Variants in RNF150 observed in about 807,000 individuals in gnomAD.
RNF150 encodes the protein ring finger protein 150.
RNF150 carries 24 observed loss-of-function variants against 39.3 expected under a neutral mutation model. The ratio of observed to expected loss-of-function variants is 0.61; its 90% CI spans 0.44 to 0.86. The LOEUF is 0.86. Ranked by LOEUF, RNF150 falls within the 40% of genes least tolerant of loss-of-function variation. The pLI is 0.00. For synonymous variants in RNF150, 255 were observed against 227.3 expected (o/e 1.12, Z -1.10); for missense variants, 502 against 587.8 (o/e 0.85, Z 1.51).
intron 6 of RNF150, among the ~76,000 whole-genome samples, chr4:140,905,288 C>A (rs1367783709): frequency 6.6e-6 from 1 of 152,076 alleles, no homozygotes; most frequent in Non-Finnish European, 1.5e-5. Flanking sequence ...GTAGAGATAG[C>A]AGCCAAGTAT....
chr4:141,205,497 C>T (rs1362523089), intron 1 of RNF150, among the ~76,000 whole-genome samples: 1 of 152,112 alleles, frequency 6.6e-6, no homozygotes, highest in Non-Finnish European at 1.5e-5. Context: ...GATGGATTTA[C>T]AGAGGCAGGA....
intron 1 of RNF150, among the ~76,000 whole-genome samples, chr4:141,114,591 C>T (rs1400408380): frequency 6.6e-6 from 1 of 152,140 alleles, no homozygotes; most frequent in African/African-American, 2.4e-5. Context: ...AGAGCCGGTA[C>T]CATTCCTTCT....
intron 1 of RNF150, among the ~76,000 whole-genome samples, chr4:141,149,696 C>T (rs1252880611): frequency 6.6e-6 from 1 of 152,180 alleles, no homozygotes; most frequent in East Asian, 1.9e-4. Context: ...CTGCTATAAA[C>T]ATACGTGTGC....
intron 1 of RNF150, among the ~76,000 whole-genome samples, chr4:141,186,987 C>T (rs1247049264): frequency 3.3e-5 from 5 of 152,036 alleles, no homozygotes; most frequent in African/African-American, 1.2e-4. Context: ...TGATGTGGGC[C>T]GTTAGTGCAA....
chr4:141,030,191 CT>C, intron 1 of RNF150, among the ~76,000 whole-genome samples: 1 of 145,348 alleles, frequency 6.9e-6, no homozygotes, highest in African/African-American at 2.5e-5. Context: ...GAGACTCCGT[CT>C]AAAAAAAAAA....
intron 6 of RNF150, among the ~76,000 whole-genome samples, chr4:140,868,814 T>C (rs1728819733): frequency 1.3e-5 from 2 of 152,184 alleles, no homozygotes; most frequent in African/African-American, 4.8e-5. Flanking sequence ...TAGAAAGCTT[T>C]TAAATCAATA....
At chr4:141,113,311 G>A (rs1444193016) in intron 1 of RNF150, among the ~76,000 whole-genome samples, 1 of 145,930 alleles carries the variant, frequency 6.9e-6, no homozygotes, top group Non-Finnish European at 1.5e-5. Context: ...ATAAAGGGAG[G>A]GAGGAATATT....
intron 1 of RNF150, among the ~76,000 whole-genome samples, chr4:140,990,944 T>A (rs11972919): frequency 6.6e-6 from 1 of 152,150 alleles, no homozygotes; most frequent in Non-Finnish European, 1.5e-5. Context: ...TAATCTACAT[T>A]CCCAGCAATA....
At chr4:141,151,452 ACACACACACAGACAC>A (rs1727298831) in intron 1 of RNF150, among the ~76,000 whole-genome samples, 1 of 7,436 alleles carries the variant, frequency 1.3e-4, no homozygotes, top group Non-Finnish European at 1.1e-3. Flanking sequence ...ACACACACAC[ACACACACACAGACAC>A]ACACACAAAT....
intron 2 of RNF150, among the ~76,000 whole-genome samples, chr4:140,959,103 C>A (rs1377739766): frequency 6.6e-6 from 1 of 152,090 alleles, no homozygotes; most frequent in Non-Finnish European, 1.5e-5. Context: ...ATAAATCTGG[C>A]TCCTAACTCC....
chr4:141,129,699 T>C (rs1026623611), intron 1 of RNF150, among the ~76,000 whole-genome samples: 1 of 152,248 alleles, frequency 6.6e-6, no homozygotes, highest in African/African-American at 2.4e-5. Context: ...AGAAGTGGTG[T>C]CTTTTTGAAT....
chr4:141,126,516 G>A (rs1310685088), intron 1 of RNF150, among the ~76,000 whole-genome samples: 4 of 152,172 alleles, frequency 2.6e-5, no homozygotes, highest in Non-Finnish European at 2.9e-5. Context: ...GCTACATAAA[G>A]ATGGAGTCCC....
chr4:141,176,728 T>C (rs1242337991), intron 1 of RNF150, among the ~76,000 whole-genome samples: 1 of 152,216 alleles, frequency 6.6e-6, no homozygotes, highest in African/African-American at 2.4e-5. Flanking sequence ...TTTCAAGTTT[T>C]CTCCATTGAA....
At chr4:140,877,043 T>C (rs1729183238) in intron 6 of RNF150, among the ~76,000 whole-genome samples, 1 of 152,256 alleles carries the variant, frequency 6.6e-6, no homozygotes, top group Admixed American at 6.5e-5. Context: ...TATATTAAAT[T>C]AGAAGCCTGT....
intron 1 of RNF150, among the ~76,000 whole-genome samples, chr4:141,015,403 C>T (rs1735231922): frequency 6.6e-6 from 1 of 152,108 alleles, no homozygotes; most frequent in Non-Finnish European, 1.5e-5. Context: ...GATATCTTTC[C>T]ATTTATTTGT....
Position 141,170,025 on chromosome 4 carries a change from T to A in RNF150, c.-6+42769A>T, listed in dbSNP as rs146125166. 4.5e-3 allele frequency among the ~76,000 whole-genome samples: 689 copies of A among 152,242 alleles called. 3 individuals are homozygous for A. The highest frequency in any genetic ancestry group is 5.3e-3 in the Non-Finnish European group (360 of 68,008). On this transcript the variant is annotated intron_variant, in intron 1 of 7. Coordinates refer to the RNF150 transcript ENST00000420921. ...ATAAAAATCCCAACATTAATATTTA[T>A]CTTGCTCTAAACTAAACATGAGTCT...
chr4:141,165,138 G>A (rs760077287), intron 1 of RNF150, among the ~76,000 whole-genome samples: 2 of 151,942 alleles, frequency 1.3e-5, no homozygotes, highest in East Asian at 3.9e-4. Context: ...AAACAGCAGG[G>A]GTTGCAATCC....
intron 1 of RNF150, among the ~76,000 whole-genome samples, chr4:140,980,142 A>C (rs1488130531): frequency 6.6e-6 from 1 of 152,060 alleles, no homozygotes; most frequent in African/African-American, 2.4e-5. Context: ...TCCTGGGTTC[A>C]AGTGATTCTC....
chr4:141,072,809 T>C (rs550377084), intron 1 of RNF150, among the ~76,000 whole-genome samples: 1 of 152,316 alleles, frequency 6.6e-6, no homozygotes, highest in East Asian at 1.9e-4. Flanking sequence ...ATATTCAGTC[T>C]GGCTTCTTGA....
Sources: gnomAD v4.1 joint callset for allele counts (sites outside exome capture counted in the v4.1 genomes callset) on GRCh38, gnomAD v4.1.1 for gene constraint, MANE v1.5 for transcripts, NCBI Gene and HGNC (gene_info 2026-07-23, HGNC 2026-07-21) for gene names.